Variants in KIF26B observed in about 807,000 individuals in gnomAD.
KIF26B encodes the protein kinesin family member 26B, also known as kinesin-like protein KIF26B.
KIF26B carries 63 observed loss-of-function variants against 151.2 expected under a neutral mutation model. The observed-to-expected ratio is 0.42, with a 90% CI of 0.34 to 0.51. KIF26B has a LOEUF of 0.51. Ranked by LOEUF, KIF26B falls within the 20% of genes least tolerant of loss-of-function variation. KIF26B has a pLI of 0.07. For missense variants in KIF26B, 2,813 were observed against 2,913.6 expected, an observed-to-expected ratio of 0.97 and a Z score of 0.79; for synonymous variants, 1,357 against 1,262.1, an observed-to-expected ratio of 1.08 and a Z score of -1.59.
chr1:245,439,514 T>C (rs901988272), intron 4 of KIF26B, among the ~76,000 whole-genome samples: 1 of 152,100 alleles, frequency 6.6e-6, no homozygotes, highest in Non-Finnish European at 1.5e-5. Flanking sequence ...CCCTATGAAA[T>C]GTATTGGATT....
rs998609969 is a variant in KIF26B at position 245,516,439 on chromosome 1, G to A, written c.1167-24328G>A. Among the ~76,000 whole-genome samples the A allele has an allele frequency of 6.6e-6, 1 of 152,184 alleles. No individual in the cohort carries two copies. The highest frequency in any genetic ancestry group is 2.4e-5 in the African/African-American group (1 of 41,448). ...ATTTGCTACTAGGCAGCTCTGTAGG[G>A]CTGTATGTATTGATATCACATGCGT... On this transcript the variant is annotated intron_variant, in intron 4 of 14. Transcript: ENST00000407071. The surrounding 1 kb of genome is among the most constrained non-coding windows in gnomAD (Gnocchi z 4.2).
rs1553332271 is a variant in KIF26B at position 245,184,050 on chromosome 1, G to GTTGTTTTTTT, written c.465+27369_465+27370insGTTTTTTTTT. ...GCAACAGGTATGGGTGGGAGTTGTT[G>GTTGTTTTTTT]TTTTTTTTTTTTTTTTTTTGAGCTT... On this transcript the variant is annotated intron_variant, in intron 2 of 14. Transcript: ENST00000407071. Among the ~76,000 whole-genome samples, 159 of 19,812 alleles carry GTTGTTTTTTT rather than the reference G, an allele frequency of 8.0e-3. 12 individuals are homozygous for GTTGTTTTTTT. Among genetic ancestry groups the GTTGTTTTTTT allele is most frequent in the African/African-American group, 0.023 (153 of 6,612 alleles). The allele number at this position is 19,812 out of a possible 152,430, so 13.0% of individuals were successfully genotyped here.
At chr1:245,531,731 G>A (rs1245172176) in intron 4 of KIF26B, among the ~76,000 whole-genome samples, 3 of 152,258 alleles carry the variant, frequency 2.0e-5, no homozygotes, top group South Asian at 2.1e-4. Context: ...TGATGGTGGC[G>A]AGGCAGAAGC....
intron 10 of KIF26B, among the ~76,000 whole-genome samples, chr1:245,676,665 C>T (rs1229781104): frequency 6.6e-6 from 1 of 152,210 alleles, no homozygotes; most frequent in African/African-American, 2.4e-5. Context: ...ATCCAGACTT[C>T]ATCCTCCTCT....
At chr1:245,692,446 G>A (rs1479158098) in intron 12 of KIF26B, among the ~76,000 whole-genome samples, 2 of 152,174 alleles carry the variant, frequency 1.3e-5, no homozygotes, top group African/African-American at 2.4e-5. Flanking sequence ...TGGTCCGGGA[G>A]GGTGCTTACA....
chr1:245,303,287 C>T (rs954264769), intron 2 of KIF26B, among the ~76,000 whole-genome samples: 3 of 149,422 alleles, frequency 2.0e-5, no homozygotes, highest in Admixed American at 6.7e-5. Context: ...CAAGCTCCGC[C>T]TCCCGGGTTC....
intron 4 of KIF26B, among the ~76,000 whole-genome samples, chr1:245,528,548 G>A (rs1199088569): frequency 6.6e-6 from 1 of 152,220 alleles, no homozygotes; most frequent in African/African-American, 2.4e-5. Flanking sequence ...GGGTAGCTTT[G>A]TAGGTGTGGG....
chr1:245,328,502 G>C lies in KIF26B; in HGVS notation c.466-38332G>C, dbSNP rs936567252. ...AAGCATAGAGCTAAACTGAATGCCTGTGTATTTGCTGTAAGCATTGCCTGC... is the reference window on the plus strand; with the variant it reads ...AAGCATAGAGCTAAACTGAATGCCTCTGTATTTGCTGTAAGCATTGCCTGC... On this transcript the variant is annotated intron_variant, in intron 2 of 14. Coordinates refer to ENST00000407071, the MANE Select transcript of KIF26B (RefSeq NM_018012.4). Among the ~76,000 whole-genome samples the C allele has an allele frequency of 2.0e-5, 3 of 152,200 alleles. No individual in the cohort carries two copies. In the East Asian group the frequency reaches 5.8e-4, roughly 29 times the overall value.
chr1:245,321,054 A>C (rs995581506), intron 2 of KIF26B, among the ~76,000 whole-genome samples: 7 of 152,202 alleles, frequency 4.6e-5, no homozygotes, highest in Non-Finnish European at 8.8e-5. Context: ...TTGTCACAAA[A>C]GTGTTCTGGT....
chr1:245,561,953 G>C (rs1235970770), intron 5 of KIF26B, among the ~76,000 whole-genome samples: 1 of 152,084 alleles, frequency 6.6e-6, no homozygotes. Flanking sequence ...TCTGTGGCCT[G>C]ATTTTCTTGC....
intron 4 of KIF26B, among the ~76,000 whole-genome samples, chr1:245,431,099 A>G (rs1658766422): frequency 6.6e-6 from 1 of 152,198 alleles, no homozygotes; most frequent in South Asian, 2.1e-4. Context: ...AGCAGTCTCA[A>G]TGCAACGATC....
intron 4 of KIF26B, among the ~76,000 whole-genome samples, chr1:245,446,157 A>C (rs796724322): frequency 1.3e-5 from 2 of 152,220 alleles, no homozygotes; most frequent in South Asian, 4.1e-4. Flanking sequence ...TCTAGGCTAT[A>C]AACAGTATAG....
intron 10 of KIF26B, among the ~76,000 whole-genome samples, chr1:245,652,379 G>T (rs982035884): frequency 6.6e-6 from 1 of 152,118 alleles, no homozygotes; most frequent in Non-Finnish European, 1.5e-5. Flanking sequence ...ATACATTTTA[G>T]TGATGGTTAG....
chr1:245,455,102 G>C (rs1185795968), intron 4 of KIF26B, among the ~76,000 whole-genome samples: 1 of 152,132 alleles, frequency 6.6e-6, no homozygotes, highest in African/African-American at 2.4e-5. Flanking sequence ...CTGCAGGCTG[G>C]CTCTGTGTCA....
At chr1:245,622,541 T>G (rs1053159192) in intron 9 of KIF26B, among the ~76,000 whole-genome samples, 8 of 152,170 alleles carry the variant, frequency 5.3e-5, no homozygotes, top group Non-Finnish European at 8.8e-5. Context: ...CCTGCAATGG[T>G]CCAGACACAC....
rs1303288180 is a variant in KIF26B at position 245,215,288 on chromosome 1, C to T, written c.465+58605C>T. Among the ~76,000 whole-genome samples, 2 of 152,068 alleles carry T rather than the reference C, an allele frequency of 1.3e-5. 1 individual carries two copies. Among genetic ancestry groups the T allele is most frequent in the South Asian group, 4.2e-4 (2 of 4,816 alleles). ...TGGTGACCAGCCAGGTGCCCTCCAG[C>T]CAGCGGCCCCAGCATGACACGGTCC... On this transcript the variant is annotated intron_variant, in intron 2 of 14. Coordinates refer to ENST00000407071, the MANE Select transcript of KIF26B (RefSeq NM_018012.4).
rs190778136 is a variant in KIF26B, at chr1:245,707,053, C to T, written c.*4447C>T. The T allele has an allele frequency of 3.5e-4, 53 of 152,250 alleles. No homozygotes were observed. Among genetic ancestry groups the T allele is most frequent in the African/African-American group, 1.3e-3 (53 of 41,548 alleles). 9.4% of individuals were successfully genotyped at this position (152,250 alleles called of 1,614,324 possible). ...AAAATTACAACCTGTTCATTATTTC[C>T]ATCATAATGCAAGCGTAATTCTAAT... On this transcript the variant is annotated 3_prime_UTR_variant, in exon 15 of 15. Coordinates refer to ENST00000407071, the MANE Select transcript of KIF26B (RefSeq NM_018012.4).
chr1:245,414,876 T>A (rs1266447096), intron 3 of KIF26B, among the ~76,000 whole-genome samples: 1 of 152,206 alleles, frequency 6.6e-6, no homozygotes. Context: ...CAAGTCTGTC[T>A]GGTGCTCAGG....
chr1:245,412,516 A>C (rs1230204634), intron 3 of KIF26B, among the ~76,000 whole-genome samples: 1 of 152,148 alleles, frequency 6.6e-6, no homozygotes, highest in African/African-American at 2.4e-5. Context: ...ATGCTGACAC[A>C]CTCTGGTAGC....
Sources: allele counts gnomAD v4.1 joint callset (sites outside exome capture counted in the v4.1 genomes callset), GRCh38; gene constraint gnomAD v4.1.1; non-coding constraint Gnocchi (gnomAD v3.1); transcripts MANE v1.5; gene names NCBI Gene and HGNC (gene_info 2026-07-23, HGNC 2026-07-21).